Variants in DNAJC2 observed in about 807,000 individuals in gnomAD.
DNAJC2 encodes DnaJ heat shock protein family (Hsp40) member C2.
A neutral mutation model predicts 94.0 loss-of-function variants in DNAJC2; 32 were observed. That is an observed-to-expected ratio of 0.34 (90% confidence interval 0.26 to 0.46). The LOEUF (loss-of-function observed/expected upper bound fraction) is 0.46, where lower values mean the gene tolerates loss of function less well. Ranked by LOEUF, DNAJC2 falls within the 20% of genes least tolerant of loss-of-function variation. The pLI is 1.00. For missense variants in DNAJC2, 550 were observed against 719.5 expected, an observed-to-expected ratio of 0.76 and a Z score of 2.69; for synonymous variants, 210 against 229.7, an observed-to-expected ratio of 0.91 and a Z score of 0.77.
intron 13 of DNAJC2, 180 bp downstream of exon 13, chr7:103,316,650 A>G: frequency 1.7e-6 from 1 of 605,320 alleles, no homozygotes; most frequent in Non-Finnish European, 2.9e-6. Flanking sequence ...GTGCATGTGT[A>G]CTGATGCAAT....
intron 7 of DNAJC2, among the ~76,000 whole-genome samples, chr7:103,323,177 G>A (rs1818514481): frequency 2.0e-5 from 3 of 152,088 alleles, no homozygotes; most frequent in Admixed American, 2.0e-4. Flanking sequence ...TGATCTGCCC[G>A]CCTCAGCCTC....
At chr7:103,331,167 G>T (rs1473014502) in intron 3 of DNAJC2, among the ~76,000 whole-genome samples, 1 of 152,014 alleles carries the variant, frequency 6.6e-6, no homozygotes, top group Non-Finnish European at 1.5e-5. Context: ...ATGTTGGCCA[G>T]GCTTGGTCTT....
In DNAJC2 at chr7:103,322,592, C is replaced by T. The variant is rs1166144687; in HGVS notation, c.852G>A (p.Lys284=). 6.2e-7 allele frequency: 1 copy of T among 1,611,246 alleles called. No homozygotes were observed. Residue 284 remains lysine, a synonymous_variant, in exon 9 of 17, where the codon AAG becomes AAA. Coordinates refer to ENST00000379263, the MANE Select transcript of DNAJC2 (RefSeq NM_014377.3). Reference sequence around the variant, plus strand: ...CTTCTTTCTTGGCTTTTTCTTCTTCCTTGAACTTTTTTATCCTTGGATCAC... The same window carrying T: ...CTTCTTTCTTGGCTTTTTCTTCTTCTTTGAACTTTTTTATCCTTGGATCAC... ...YSCDPRIKKF[K]EEEKAKKEAE...
intron 16 of DNAJC2, 62 bp from the exon 17 acceptor site, chr7:103,312,705 G>C (rs1233158080): frequency 2.2e-5 from 35 of 1,595,716 alleles, no homozygotes; most frequent in Non-Finnish European, 2.8e-5. Flanking sequence ...TTTTAATCTA[G>C]TGTTTGGTGT....
intron 3 of DNAJC2, among the ~76,000 whole-genome samples, chr7:103,330,364 T>G (rs1485004271): frequency 1.3e-5 from 2 of 152,120 alleles, no homozygotes; most frequent in Non-Finnish European, 2.9e-5. Context: ...CTCAGCTCAC[T>G]GTAGTCTTAA....
intron 5 of DNAJC2, among the ~76,000 whole-genome samples, chr7:103,325,882 A>C (rs1818676747): frequency 6.6e-6 from 1 of 152,178 alleles, no homozygotes; most frequent in Non-Finnish European, 1.5e-5. Flanking sequence ...ACTGACAATG[A>C]GTCAGAGAGT....
chr7:103,312,518 G>A lies in DNAJC2; in HGVS notation c.*51C>T, dbSNP rs1817802505. On this transcript the variant is annotated 3_prime_UTR_variant, in exon 17 of 17. Transcript: ENST00000379263. ...TGAGTATAATTTTAAGAATGAAAAT[G>A]TTTACAGTATTTTCAGTTTTATTAT... 1.3e-6 allele frequency: 2 copies of A among 1,586,200 alleles called. No individual in the cohort carries two copies. The highest frequency in any genetic ancestry group is 1.7e-6 in the Non-Finnish European group (2 of 1,170,244).
chr7:103,319,560 G>A, intron 12 of DNAJC2, 49 bp downstream of exon 12: 1 of 1,563,916 alleles, frequency 6.4e-7, no homozygotes, highest in Non-Finnish European at 8.8e-7. Context: ...ACAGGTCAAA[G>A]CAGAATTAAA....
intron 1 of DNAJC2, among the ~76,000 whole-genome samples, chr7:103,342,769 C>T (rs1217535111): frequency 6.6e-5 from 10 of 151,682 alleles, no homozygotes; most frequent in Non-Finnish European, 1.3e-4. Flanking sequence ...CCACCACCCC[C>T]GGCTAATTTT....
At chr7:103,316,740 C>G in intron 13 of DNAJC2, 90 bp downstream of exon 13, 1 of 1,097,908 alleles carries the variant, frequency 9.1e-7, no homozygotes, top group Non-Finnish European at 1.3e-6. Flanking sequence ...CTGCAAGTTT[C>G]TGTGATAACA....
Position 103,317,160 on chromosome 7 carries a change from G to T in DNAJC2, c.1243-146C>A, listed in dbSNP as rs1257489470. On this transcript the variant is annotated intron_variant, in intron 12 of 16. Transcript: ENST00000379263. ...TCCTCTCAGGCCAACCCAAAAAGAAGCACCAGCTTTTCACTCTGGCTTCCA... is the reference window on the plus strand; with the variant it reads ...TCCTCTCAGGCCAACCCAAAAAGAATCACCAGCTTTTCACTCTGGCTTCCA... The T allele has an allele frequency of 4.3e-6, 3 of 690,104 alleles. No homozygotes were observed. The Admixed American group carries it at 9.1e-5, about 21-fold the overall frequency. 42.7% of individuals were successfully genotyped at this position (690,104 alleles called of 1,614,324 possible). A position where few individuals can be genotyped will look rare whatever the true frequency, so the allele number is the denominator to read the frequency against.
rs185675701 is a variant in DNAJC2, at chr7:103,316,122, T to C, written c.1428-34A>G. On this transcript the variant is annotated intron_variant, in intron 13 of 16. Transcript: ENST00000379263. ...ATATATTATACAATAATATGAATAG[T>C]AGTAAGGAAAAACAAAATGAAACGA... 5.8e-6 allele frequency: 8 copies of C among 1,382,928 alleles called. No individual in the cohort carries two copies. The Admixed American group carries it at 1.4e-4, about 24-fold the overall frequency. The allele number at this position is 1,382,928 out of a possible 1,614,324, so 85.7% of individuals were successfully genotyped here.
intron 6 of DNAJC2, 43 bp from the exon 7 acceptor site, chr7:103,323,706 GA>G (rs759184926): frequency 6.5e-5 from 84 of 1,290,752 alleles, no homozygotes; most frequent in Non-Finnish European, 7.5e-5. Flanking sequence ...CAGAATAAAT[GA>G]AAAAAAATTC....
chr7:103,342,745 A>T (rs1819429857), intron 1 of DNAJC2, among the ~76,000 whole-genome samples: 1 of 150,874 alleles, frequency 6.6e-6, no homozygotes, highest in Non-Finnish European at 1.5e-5. Flanking sequence ...AGTAGCTGGG[A>T]CTACAGGCAC....
chr7:103,331,476 G>T (rs1818967975), intron 3 of DNAJC2, among the ~76,000 whole-genome samples: 1 of 151,982 alleles, frequency 6.6e-6, no homozygotes, highest in South Asian at 2.1e-4. Context: ...TTGTATGTTT[G>T]TATCCATTGA....
chr7:103,328,174 G>A (rs1009708124), intron 3 of DNAJC2, among the ~76,000 whole-genome samples: 3 of 151,424 alleles, frequency 2.0e-5, no homozygotes, highest in South Asian at 2.1e-4. Context: ...CACCCGCCTC[G>A]GCCTCCGAAA....
intron 5 of DNAJC2, among the ~76,000 whole-genome samples, chr7:103,326,095 C>G (rs1339849836): frequency 6.6e-6 from 1 of 152,068 alleles, no homozygotes; most frequent in African/African-American, 2.4e-5. Context: ...ACTCCCGTCT[C>G]CGCCTCCCGA....
chr7:103,344,234 C>A (rs1819507705), intron 1 of DNAJC2: 1 of 365,032 alleles, frequency 2.7e-6, no homozygotes, highest in African/African-American at 2.1e-5. Flanking sequence ...AGTCTTTCCA[C>A]CGTAGGCAAG....
In DNAJC2 at chr7:103,322,015, G is replaced by T; in HGVS notation, c.1000C>A (p.Gln334Lys). 1 of 1,613,686 alleles carries T rather than the reference G, an allele frequency of 6.2e-7. No homozygotes were observed. Among genetic ancestry groups the T allele is most frequent in the East Asian group, 2.2e-5 (1 of 44,862 alleles). ...KEKEEEEVRQ[Q>K]ALLAKKEKDI... Reference sequence around the variant, plus strand: ...TTTTCCTTCTTTGCCAGCAATGCTTGCTGTCTGACTTCCTCCTCTTCTTTC... The same window carrying T: ...TTTTCCTTCTTTGCCAGCAATGCTTTCTGTCTGACTTCCTCCTCTTCTTTC... Residue 334 changes from glutamine (Q) to lysine (K), a missense_variant, in exon 10 of 17, where the codon CAA (glutamine) becomes AAA (lysine). Coordinates refer to ENST00000379263, the MANE Select transcript of DNAJC2 (RefSeq NM_014377.3).
Sources: gnomAD v4.1 joint callset for allele counts (sites outside exome capture counted in the v4.1 genomes callset) on GRCh38, gnomAD v4.1.1 for gene constraint, MANE v1.5 for transcripts, NCBI Gene and HGNC (gene_info 2026-07-23, HGNC 2026-07-21) for gene names.